The following CTNNB1 variants were observed in gnomAD, a reference collection of about 807,000 sequenced individuals.
CTNNB1 encodes catenin beta-1.
CTNNB1 carries 6 observed loss-of-function variants against 82.5 expected under a neutral mutation model. That is an observed-to-expected ratio of 0.07 (90% confidence interval 0.04 to 0.14). The LOEUF (loss-of-function observed/expected upper bound fraction) is 0.14. CTNNB1 is among the 10% of genes least tolerant of loss of function. The pLI, the probability that CTNNB1 is intolerant of heterozygous loss-of-function variation, is 1.00. For synonymous variants in CTNNB1, 312 were observed against 329.7 expected (o/e 0.95, Z 0.58); for missense variants, 529 against 980.4 (o/e 0.54, Z 6.15).
rs377064354 is a variant in CTNNB1 at position 41,208,719 on chromosome 3, C to T, written c.-49+9049C>T. On this transcript the variant is annotated intron_variant, in intron 1 of 14. Coordinates refer to ENST00000349496, the MANE Select transcript of CTNNB1 (RefSeq NM_001904.4). ...CCATGTCCTTTATCTTCTCCTCTGT[C>T]ACTGGATGAACTGTAGCCTTCCAAG... 3.3e-5 allele frequency among the ~76,000 whole-genome samples: 5 copies of T among 152,334 alleles called. No individual in the cohort carries two copies. In the East Asian group the frequency reaches 5.8e-4, roughly 18 times the overall value.
intron 1 of CTNNB1, among the ~76,000 whole-genome samples, chr3:41,212,154 A>G (rs1043995741): frequency 2.6e-5 from 4 of 152,022 alleles, no homozygotes; most frequent in Admixed American, 2.6e-4. Context: ...TGGTCATATG[A>G]TTTTCATTTA....
chr3:41,200,114 T>TG (rs1173518815), intron 1 of CTNNB1: 2 of 152,138 alleles, frequency 1.3e-5, no homozygotes. Context: ...TGCGGCGAGT[T>TG]GGGGTTCGGG....
intron 1 of CTNNB1, chr3:41,211,191 G>T (rs758219757): frequency 1.2e-5 from 5 of 400,596 alleles, no homozygotes; most frequent in African/African-American, 2.1e-5. Context: ...GTGCTGCGAC[G>T]TTAACGATGG....
At chr3:41,237,952 A>G in intron 13 of CTNNB1, 64 bp from the exon 14 acceptor site, 2 of 1,358,228 alleles carry the variant, frequency 1.5e-6, no homozygotes, top group Non-Finnish European at 2.1e-6. Flanking sequence ...AAAAAAAATT[A>G]GTGTACTTTT....
intron 13 of CTNNB1, chr3:41,237,173 T>C (rs2078455212): frequency 1.3e-5 from 3 of 227,354 alleles, no homozygotes; most frequent in South Asian, 6.4e-5. Context: ...CATCCTGATA[T>C]TTTATCCATT....
chr3:41,236,745 T>C (rs1164496095), intron 13 of CTNNB1, 36 bp downstream of exon 13: 6 of 1,613,544 alleles, frequency 3.7e-6, no homozygotes, highest in Non-Finnish European at 5.1e-6. Flanking sequence ...TCTGGTAGTT[T>C]CCTAGAGCAG....
chr3:41,212,635 G>T (rs747981944), intron 1 of CTNNB1, among the ~76,000 whole-genome samples: 24 of 152,168 alleles, frequency 1.6e-4, no homozygotes, highest in Non-Finnish European at 2.9e-4. Flanking sequence ...GTGCTGTTCA[G>T]TTGGTAGCAA....
intron 7 of CTNNB1, 104 bp from the exon 8 acceptor site, chr3:41,233,237 T>G: frequency 1.1e-6 from 1 of 946,320 alleles, no homozygotes. Flanking sequence ...GGAAGTAAAC[T>G]CTGGAAATAC....
intron 1 of CTNNB1, among the ~76,000 whole-genome samples, chr3:41,214,394 T>A (rs9682636): frequency 2.0e-5 from 3 of 147,036 alleles, no homozygotes; most frequent in African/African-American, 2.5e-5. Context: ...TCTTTATAGT[T>A]AAAAAAAAAA....
intron 8 of CTNNB1, 23 bp downstream of exon 8, chr3:41,233,467 C>T (rs747570532): frequency 1.2e-6 from 2 of 1,613,156 alleles, no homozygotes; most frequent in Admixed American, 1.7e-5. Flanking sequence ...TAAACTGGTG[C>T]CATGGGAATA....
chr3:41,225,243 T>G lies in CTNNB1; in HGVS notation c.495+36T>G, dbSNP rs2078145964. 6.2e-7 allele frequency: 1 copy of G among 1,614,032 alleles called. No homozygotes were observed. The highest frequency in any genetic ancestry group is 2.2e-5 in the East Asian group (1 of 44,886). On this transcript the variant is annotated intron_variant, in intron 4 of 14. Coordinates refer to ENST00000349496, the MANE Select transcript of CTNNB1 (RefSeq NM_001904.4). The surrounding 1 kb of genome is among the most constrained non-coding windows in gnomAD (Gnocchi z 5.3). Reference sequence around the variant, plus strand: ...ACATAGCTAGCTTTTTAGTCTGCTTTGAAGTAAATGCTCAAGGGGAGTAGT... The same window carrying G: ...ACATAGCTAGCTTTTTAGTCTGCTTGGAAGTAAATGCTCAAGGGGAGTAGT...
chr3:41,233,272 AC>A, intron 7 of CTNNB1, 68 bp from the exon 8 acceptor site: 1 of 1,318,794 alleles, frequency 7.6e-7, no homozygotes, highest in Admixed American at 1.7e-5. Flanking sequence ...TAAGGCTAGA[AC>A]AGATATTTAG....
chr3:41,229,579 G>T (rs1468781110), intron 7 of CTNNB1, among the ~76,000 whole-genome samples: 2 of 152,080 alleles, frequency 1.3e-5, no homozygotes, highest in Non-Finnish European at 2.9e-5. Flanking sequence ...CTTTGCTGAA[G>T]TTTATTGGAT....
intron 11 of CTNNB1, 164 bp from the exon 12 acceptor site, chr3:41,236,185 G>A (rs866615593): frequency 3.3e-5 from 29 of 885,860 alleles, no homozygotes; most frequent in Middle Eastern, 3.4e-4. Flanking sequence ...GAAATCCAGT[G>A]CTCCAGAGCA....
At chr3:41,215,634 C>A (rs1205880755) in intron 1 of CTNNB1, among the ~76,000 whole-genome samples, 3 of 152,054 alleles carry the variant, frequency 2.0e-5, no homozygotes, top group African/African-American at 4.8e-5. Context: ...AAATTTCTTT[C>A]TTTAAAAGGT....
chr3:41,213,712 AATAT>A (rs2077850616), intron 1 of CTNNB1, among the ~76,000 whole-genome samples: 1 of 152,204 alleles, frequency 6.6e-6, no homozygotes, highest in African/African-American at 2.4e-5. Context: ...AAAACAAAAA[AATAT>A]ATACTACTGG....
chr3:41,230,970 T>C (rs1452162809), intron 7 of CTNNB1, among the ~76,000 whole-genome samples: 2 of 152,242 alleles, frequency 1.3e-5, no homozygotes, highest in African/African-American at 4.8e-5. Context: ...TGTGTTGGGC[T>C]ACATTCAGAG....
chr3:41,226,706 T>C (rs1206862486), intron 6 of CTNNB1, among the ~76,000 whole-genome samples: 2 of 151,954 alleles, frequency 1.3e-5, no homozygotes, highest in African/African-American at 2.4e-5. Context: ...TTTTAGAAAA[T>C]TGGGGCAGTG....
chr3:41,215,103 C>T lies in CTNNB1; in HGVS notation c.-48-8918C>T, dbSNP rs527627008. ...TCTCTTAGGTTATAAATTGGCTGGG[C>T]GCAGTGGCTCACGCCTGTAATCCCA... On this transcript the variant is annotated intron_variant, in intron 1 of 14. Coordinates refer to ENST00000349496, the MANE Select transcript of CTNNB1 (RefSeq NM_001904.4). Among the ~76,000 whole-genome samples, 5 of 150,760 alleles carry T rather than the reference C, an allele frequency of 3.3e-5. No individual in the cohort carries two copies. The East Asian group carries it at 5.9e-4, about 18-fold the overall frequency.
Sources: gnomAD v4.1 joint callset for allele counts (sites outside exome capture counted in the v4.1 genomes callset) on GRCh38, gnomAD v4.1.1 for gene constraint, Gnocchi (gnomAD v3.1) non-coding constraint, MANE v1.5 for transcripts, NCBI Gene and HGNC (gene_info 2026-07-23, HGNC 2026-07-21) for gene names.